The following HBS1L variants were observed in gnomAD, a reference collection of about 807,000 sequenced individuals.
HBS1L encodes HBS1 like translational GTPase.
A neutral mutation model predicts 88.9 loss-of-function variants in HBS1L; 55 were observed. That is an observed-to-expected ratio of 0.62 (90% CI 0.50 to 0.77). The LOEUF is 0.77. HBS1L is among the 30% of genes least tolerant of loss of function. The pLI is 0.00. For missense variants in HBS1L, 741 were observed against 829.3 expected, an observed-to-expected ratio of 0.89 and a Z score of 1.31; for synonymous variants, 267 against 288.5, an observed-to-expected ratio of 0.93 and a Z score of 0.76.
At chr6:135,024,425 G>A (rs1218527888) in intron 4 of HBS1L, among the ~76,000 whole-genome samples, 1 of 129,182 alleles carries the variant, frequency 7.7e-6, no homozygotes, top group African/African-American at 3.1e-5. Flanking sequence ...GGGTGACAGA[G>A]TGAGACTTCG....
At chr6:135,053,312 ATCT>A (rs1213776222) in intron 1 of HBS1L, among the ~76,000 whole-genome samples, 2 of 152,148 alleles carry the variant, frequency 1.3e-5, no homozygotes, top group Non-Finnish European at 2.9e-5. Context: ...AACTCGTATA[ATCT>A]TCTCCTTTTA....
intron 4 of HBS1L, among the ~76,000 whole-genome samples, chr6:135,022,763 G>T (rs1776108436): frequency 6.6e-6 from 1 of 151,892 alleles, no homozygotes; most frequent in Non-Finnish European, 1.5e-5. Flanking sequence ...TACTAAAAAG[G>T]ATTAAAAGAT....
chr6:134,982,761 C>A, intron 12 of HBS1L, 199 bp from the exon 13 acceptor site: 1 of 363,310 alleles, frequency 2.8e-6, no homozygotes, highest in Admixed American at 4.5e-5. Flanking sequence ...TAAAAATACT[C>A]ATATTACCAA....
intron 3 of HBS1L, 138 bp from the exon 4 acceptor site, chr6:135,039,905 A>G (rs985701341): frequency 1.5e-6 from 1 of 654,688 alleles, no homozygotes; most frequent in Admixed American, 3.0e-5. Flanking sequence ...ATTATCTCTA[A>G]TGATCGTATT....
At chr6:135,047,660 G>A (rs1045140395) in intron 2 of HBS1L, among the ~76,000 whole-genome samples, 3 of 152,132 alleles carry the variant, frequency 2.0e-5, no homozygotes, top group African/African-American at 7.2e-5. Flanking sequence ...ACATATAACA[G>A]TCTCCTAACG....
chr6:135,009,249 T>C (rs558879803), intron 4 of HBS1L, among the ~76,000 whole-genome samples: 23 of 152,292 alleles, frequency 1.5e-4, no homozygotes, highest in African/African-American at 5.1e-4. Flanking sequence ...AATATATATA[T>C]ATGAATTACA....
In HBS1L at chr6:134,985,388, C is replaced by T. The variant is rs1774950199; in HGVS notation, c.1445G>A (p.Arg482Gln). The T allele has an allele frequency of 1.9e-6, 3 of 1,602,380 alleles. No homozygotes were observed. Among genetic ancestry groups the T allele is most frequent in the South Asian group, 1.1e-5 (1 of 89,092 alleles). Residue 482 changes from arginine to glutamine, a missense_variant, in exon 12 of 18, where the codon CGA becomes CAA. By Grantham distance (43) the Arg-to-Gln change is conservative. Transcript: ENST00000367837. The stretch of plus-strand genomic sequence containing the variant: ...TAATCTAAAAGGTTTGTCAATAGAT[C>T]GCTGGGGAGGCTTAAAGGAATCTGG... ...EQIDSFKPPQRSIDKPFRLCV... is the reference protein window; with the variant it reads ...EQIDSFKPPQQSIDKPFRLCV...
Position 134,979,421 on chromosome 6 carries a change from G to A in HBS1L, c.1598-153C>T, listed in dbSNP as rs969110822. ...AGTAAGAAGTGTAACTGTGAGCGTT[G>A]AGGAAAACACACTTCCTCTAGAACT... On this transcript the variant is annotated intron_variant, in intron 13 of 17. Coordinates refer to ENST00000367837, the MANE Select transcript of HBS1L (RefSeq NM_006620.4). 8 of 611,590 alleles carry A rather than the reference G, an allele frequency of 1.3e-5. No homozygotes were observed. In the Admixed American group the frequency reaches 1.4e-4, roughly 11 times the overall value. The allele number at this position is 611,590 out of a possible 1,614,324, so 37.9% of individuals were successfully genotyped here.
At chr6:134,987,563 T>C (rs1775013732) in intron 9 of HBS1L, 82 bp downstream of exon 9, 1 of 952,300 alleles carries the variant, frequency 1.1e-6, no homozygotes. Flanking sequence ...AAATGTACAC[T>C]AGTCACATCT....
rs77472408 is a variant in HBS1L, at chr6:134,970,550, T to G, written c.1798-1212A>C. On this transcript the variant is annotated intron_variant, in intron 15 of 17. Transcript: ENST00000367837. ...GTGGTGCCTGGCACATGGCAAGCATTCAGTTAACTGATGGCCTTATATATT... is the reference window on the plus strand; with the variant it reads ...GTGGTGCCTGGCACATGGCAAGCATGCAGTTAACTGATGGCCTTATATATT... 1.8e-3 allele frequency among the ~76,000 whole-genome samples: 276 copies of G among 152,326 alleles called. 5 individuals are homozygous for G. The highest frequency in any genetic ancestry group is 6.3e-3 in the African/African-American group (260 of 41,566).
chr6:134,993,697 G>T, intron 8 of HBS1L, 61 bp downstream of exon 8: 1 of 655,664 alleles, frequency 1.5e-6, no homozygotes, highest in Non-Finnish European at 2.5e-6. Flanking sequence ...TGTAACCTCA[G>T]CATCAGAAAA....
intron 10 of HBS1L, 50 bp from the exon 11 acceptor site, chr6:134,986,233 T>G: frequency 1.1e-6 from 1 of 941,506 alleles, no homozygotes. Context: ...TTTTAAAACA[T>G]TAAAAGATTC....
intron 1 of HBS1L, among the ~76,000 whole-genome samples, chr6:135,052,434 TG>T (rs1777114991): frequency 6.6e-6 from 1 of 151,652 alleles, no homozygotes; most frequent in South Asian, 2.1e-4. Context: ...TAACCGGGCA[TG>T]GGGGCACATG....
chr6:135,037,903 C>T (rs1359409092), intron 4 of HBS1L: 1 of 1,551,226 alleles, frequency 6.4e-7, no homozygotes, highest in Non-Finnish European at 8.7e-7. Flanking sequence ...ATGAGATAAT[C>T]CGTATTTTCC....
At chr6:135,001,119 C>T (rs778255834) in intron 5 of HBS1L, among the ~76,000 whole-genome samples, 49 of 152,012 alleles carry the variant, frequency 3.2e-4, no homozygotes, top group Non-Finnish European at 3.8e-4. Context: ...ATGTTATTTG[C>T]AAGTTTATTT....
chr6:135,006,814 A>T (rs1382742368), intron 4 of HBS1L, among the ~76,000 whole-genome samples: 1 of 152,072 alleles, frequency 6.6e-6, no homozygotes, highest in African/African-American at 2.4e-5. Context: ...GGGTGTGCGT[A>T]TGTGCATGTG....
intron 2 of HBS1L, among the ~76,000 whole-genome samples, chr6:135,048,904 A>G (rs1453851141): frequency 6.6e-6 from 1 of 152,242 alleles, no homozygotes; most frequent in Non-Finnish European, 1.5e-5. Flanking sequence ...ACCAGTTAAC[A>G]GGAAAAGGAT....
intron 4 of HBS1L, among the ~76,000 whole-genome samples, chr6:135,008,534 C>T (rs767950988): frequency 1.2e-4 from 19 of 152,176 alleles, no homozygotes; most frequent in Non-Finnish European, 2.6e-4. Context: ...AGCTGCTTTC[C>T]CCAGGGCTCT....
intron 15 of HBS1L, among the ~76,000 whole-genome samples, chr6:134,973,652 C>T (rs1296934826): frequency 1.3e-4 from 20 of 152,110 alleles, no homozygotes; most frequent in African/African-American, 4.6e-4. Context: ...CCCGTCTCCA[C>T]TAAAAATAAA....
Sources: gnomAD v4.1 joint callset for allele counts (sites outside exome capture counted in the v4.1 genomes callset) on GRCh38, gnomAD v4.1.1 for gene constraint, MANE v1.5 for transcripts, NCBI Gene and HGNC (gene_info 2026-07-23, HGNC 2026-07-21) for gene names.